The following ELL2 variants were observed in gnomAD, a reference collection of about 807,000 sequenced individuals.
ELL2 encodes RNA polymerase II elongation factor ELL2.
A neutral mutation model predicts 72.8 loss-of-function variants in ELL2; 21 were observed. That is an observed-to-expected ratio of 0.29 (90% CI 0.20 to 0.42). ELL2 has a LOEUF of 0.42. Among genes scored for constraint, ELL2 ranks in the 10% least tolerant of loss-of-function variants. The probability of loss-of-function intolerance (pLI) is 1.00; values close to 1 mark genes in which losing one functional copy is unlikely to be tolerated. For missense variants in ELL2, 568 were observed against 772.8 expected (o/e 0.73, Z 3.14); for synonymous variants, 266 against 283.2 (o/e 0.94, Z 0.61).
At chr5:95,903,039 G>A (rs116008562) in intron 5 of ELL2, among the ~76,000 whole-genome samples, 4,502 of 151,804 alleles carry the variant, frequency 0.03, 226 homozygotes, top group African/African-American at 0.1. Flanking sequence ...TCTTCCCTTG[G>A]CCTCCTAAAG....
At chr5:95,922,272 C>T (rs1361425997) in intron 2 of ELL2, among the ~76,000 whole-genome samples, 1 of 152,162 alleles carries the variant, frequency 6.6e-6, no homozygotes, top group East Asian at 1.9e-4. Context: ...CTGTGCTAGC[C>T]CAGACGGTCT....
chr5:95,891,458 G>A (rs1378174941), intron 9 of ELL2, among the ~76,000 whole-genome samples, 184 bp from the exon 10 acceptor site: 1 of 152,212 alleles, frequency 6.6e-6, no homozygotes, highest in Non-Finnish European at 1.5e-5. Context: ...TTATTACACA[G>A]AGTTTGAGAG....
chr5:95,905,152 A>T (rs990622442), intron 5 of ELL2, among the ~76,000 whole-genome samples: 2 of 152,042 alleles, frequency 1.3e-5, no homozygotes, highest in African/African-American at 4.8e-5. Context: ...GGATGAGATG[A>T]TGCTCTAGAT....
intron 1 of ELL2, among the ~76,000 whole-genome samples, chr5:95,948,429 CAA>C (rs1187881368): frequency 8.5e-5 from 3 of 35,218 alleles, no homozygotes; most frequent in South Asian, 2.1e-3. Context: ...GACTCCGCCT[CAA>C]AAAAAAAAAA....
chr5:95,902,056 A>T (rs545737730), intron 5 of ELL2, among the ~76,000 whole-genome samples: 16 of 152,372 alleles, frequency 1.1e-4, no homozygotes, highest in African/African-American at 3.8e-4. Flanking sequence ...CTACTGTATT[A>T]CCAACATCCT....
intron 9 of ELL2, among the ~76,000 whole-genome samples, chr5:95,894,155 G>A (rs765572992): frequency 2.7e-4 from 41 of 152,120 alleles, no homozygotes; most frequent in Non-Finnish European, 5.1e-4. Flanking sequence ...GGGAGGCTCC[G>A]CTTGAACCCT....
chr5:95,948,483 C>T (rs1050199321), intron 1 of ELL2, among the ~76,000 whole-genome samples: 5 of 142,734 alleles, frequency 3.5e-5, no homozygotes, highest in Non-Finnish European at 7.6e-5. Flanking sequence ...CTCTACACCA[C>T]TTATTTTGTA....
chr5:95,885,951 T>C lies in ELL2; in HGVS notation c.*2920A>G, dbSNP rs1046370875. The C allele has an allele frequency of 6.6e-6, 1 of 152,238 alleles. No individual in the cohort carries two copies. Among genetic ancestry groups the C allele is most frequent in the East Asian group, 1.9e-4 (1 of 5,204 alleles). The allele number at this position is 152,238 out of a possible 1,614,324, so 9.4% of individuals were successfully genotyped here. ...TTTTAAAAAGCCCACATCTAGTTAA[T>C]GTTCTCTTAGTTTGTTTTAAATCAG... On this transcript the variant is annotated 3_prime_UTR_variant, in exon 12 of 12. Coordinates refer to ENST00000237853, the MANE Select transcript of ELL2 (RefSeq NM_012081.6).
chr5:95,898,924 G>A, intron 7 of ELL2, 114 bp from the exon 8 acceptor site: 1 of 765,862 alleles, frequency 1.3e-6, no homozygotes, highest in Non-Finnish European at 1.9e-6. Context: ...AATATTACCA[G>A]GGTTGTAATA....
At chr5:95,901,397 A>G (rs997243017) in intron 5 of ELL2, among the ~76,000 whole-genome samples, 1 of 152,210 alleles carries the variant, frequency 6.6e-6, no homozygotes, top group Non-Finnish European at 1.5e-5. Context: ...AAGGAATCCA[A>G]AACAGTTGTA....
intron 1 of ELL2, among the ~76,000 whole-genome samples, chr5:95,951,402 A>C (rs2112357727): frequency 6.9e-6 from 1 of 145,842 alleles, no homozygotes; most frequent in East Asian, 2.2e-4. Flanking sequence ...TAAATAAATA[A>C]ATAAATCAAC....
intron 5 of ELL2, among the ~76,000 whole-genome samples, chr5:95,901,783 C>T (rs980028140): frequency 2.0e-5 from 3 of 152,112 alleles, no homozygotes; most frequent in Admixed American, 1.3e-4. Flanking sequence ...CCAGGTAACC[C>T]TTACTGCACT....
At chr5:95,953,611 A>G (rs530931154) in intron 1 of ELL2, among the ~76,000 whole-genome samples, 2 of 152,376 alleles carry the variant, frequency 1.3e-5, no homozygotes, top group South Asian at 2.1e-4. Flanking sequence ...TCCCTGGATC[A>G]AGAAACAAGC....
intron 4 of ELL2, among the ~76,000 whole-genome samples, chr5:95,906,991 CA>C (rs1749386569): frequency 1.3e-5 from 2 of 152,042 alleles, no homozygotes; most frequent in Non-Finnish European, 2.9e-5. Context: ...TTAATAAAAT[CA>C]TTTCTTGGAA....
In ELL2 at chr5:95,900,750, G is replaced by A; in HGVS notation, c.897C>T (p.Gly299=). ...ATACAGGAGATTCTGAACGGCTGGT[G>A]CCTGCAGCATTCTGAGACGGATTTA... ...RKLNPSQNAA[G]TSRSESPVCS... The change falls in exon 7 of 12, where the codon GGC becomes GGT. Residue 299 remains glycine, a synonymous_variant. Coordinates refer to ENST00000237853, the MANE Select transcript of ELL2 (RefSeq NM_012081.6). 1 of 1,608,592 alleles carries A rather than the reference G, an allele frequency of 6.2e-7. No homozygotes were observed. Among genetic ancestry groups the A allele is most frequent in the Non-Finnish European group, 8.5e-7 (1 of 1,177,154 alleles).
intron 2 of ELL2, among the ~76,000 whole-genome samples, chr5:95,937,880 C>T (rs941833563): frequency 1.3e-5 from 2 of 152,062 alleles, no homozygotes; most frequent in Non-Finnish European, 2.9e-5. Flanking sequence ...GGAGGGAAGG[C>T]ATATTATCTA....
At position 95,951,438 on chromosome 5, in the gene ELL2, AT is replaced by A. The variant is rs568516388; in HGVS notation, c.148-8390del. ...AACACTTGAAGCATAGTATTCCACC[AT>A]TTTTTCCCCCAGATTTAATGTGGGC... is the stretch of plus-strand genomic sequence containing the variant. On this transcript the variant is annotated intron_variant, in intron 1 of 11. Transcript: ENST00000237853. Among the ~76,000 whole-genome samples the A allele has an allele frequency of 2.9e-3, 446 of 152,006 alleles. 7 individuals carry two copies. Among genetic ancestry groups the A allele is most frequent in the Non-Finnish European group, 6.3e-4 (43 of 67,976 alleles).
intron 5 of ELL2, among the ~76,000 whole-genome samples, chr5:95,904,877 T>C (rs1580489357): frequency 6.6e-6 from 1 of 152,220 alleles, no homozygotes; most frequent in Admixed American, 6.5e-5. Context: ...GATATCTTTC[T>C]TGGGAGGATA....
intron 3 of ELL2, 91 bp downstream of exon 3, chr5:95,919,333 G>T: frequency 7.1e-7 from 1 of 1,413,302 alleles, no homozygotes; most frequent in Non-Finnish European, 9.5e-7. Context: ...ACACGTTTAT[G>T]GATGAATATT....
Sources: gnomAD v4.1 joint callset for allele counts (sites outside exome capture counted in the v4.1 genomes callset) on GRCh38, gnomAD v4.1.1 for gene constraint, MANE v1.5 for transcripts, NCBI Gene and HGNC (gene_info 2026-07-23, HGNC 2026-07-21) for gene names.